ADGRA3: variants seen among roughly 807,000 people sequenced by gnomAD.
ADGRA3 encodes adhesion G protein-coupled receptor A3.
Under a neutral mutation model 119.8 loss-of-function variants are expected in ADGRA3, and 56 were observed. That is an observed-to-expected ratio of 0.47 (90% CI 0.38 to 0.58). ADGRA3 has a LOEUF of 0.58. Ranked by LOEUF, ADGRA3 falls within the 20% of genes least tolerant of loss-of-function variation. The pLI is 0.00. For missense variants in ADGRA3, 1,516 were observed against 1,649.0 expected (o/e 0.92, Z 1.40); for synonymous variants, 607 against 623.8 (o/e 0.97, Z 0.40).
At chr4:22,419,550 T>C (rs753781956) in intron 12 of ADGRA3, among the ~76,000 whole-genome samples, 1 of 152,132 alleles carries the variant, frequency 6.6e-6, no homozygotes. Flanking sequence ...CCTTCTACTT[T>C]AGCAAGTAGA....
intron 10 of ADGRA3, among the ~76,000 whole-genome samples, chr4:22,428,787 ACAGGATACCTCTG>A (rs1318887998): frequency 1.3e-5 from 2 of 152,240 alleles, no homozygotes; most frequent in Non-Finnish European, 2.9e-5. Flanking sequence ...TTTACGTGCC[ACAGGATACCTCTG>A]CAGACTTCTC....
Position 22,403,729 on chromosome 4 carries a change from G to A in ADGRA3, c.2233-930C>T, listed in dbSNP as rs1163382230. Among the ~76,000 whole-genome samples, 4 of 152,162 alleles carry A rather than the reference G, an allele frequency of 2.6e-5. No individual in the cohort carries two copies. The East Asian group carries it at 5.8e-4, about 22-fold the overall frequency. On this transcript the variant is annotated intron_variant, in intron 14 of 18. Transcript: ENST00000334304. ...TGCACTCCAGCCTGGGCCACATAGTGAGAACCTTTCTCAAAAGAAAAATAA... is the reference window on the plus strand; with the variant it reads ...TGCACTCCAGCCTGGGCCACATAGTAAGAACCTTTCTCAAAAGAAAAATAA...
chr4:22,428,833 T>C (rs1265272612), intron 10 of ADGRA3, among the ~76,000 whole-genome samples: 2 of 152,192 alleles, frequency 1.3e-5, no homozygotes, highest in African/African-American at 4.8e-5. Context: ...AGGTAAGCAT[T>C]TGCTATTCAA....
In ADGRA3 at chr4:22,460,302, A is replaced by G. The variant is rs527571444; in HGVS notation, c.401+1435T>C. Among the ~76,000 whole-genome samples, 11 of 152,282 alleles carry G rather than the reference A, an allele frequency of 7.2e-5. No individual in the cohort carries two copies. In the East Asian group the frequency reaches 1.7e-3, roughly 24 times the overall value. On this transcript the variant is annotated intron_variant, in intron 3 of 18. Coordinates refer to ENST00000334304, the MANE Select transcript of ADGRA3 (RefSeq NM_145290.4). ...CAAAACATGTCATGTTGGCATAAGG[A>G]TTATTTCCAGCTACAGGCAATTGAA...
At position 22,510,638 on chromosome 4, in the gene ADGRA3, G is replaced by A. The variant is rs1289363832; in HGVS notation, c.257+4890C>T. On this transcript the variant is annotated intron_variant, in intron 1 of 18. Transcript: ENST00000334304. ...CTCTCTCCACTATTCGTCCGATACC[G>A]TCTCTCCACTTCAAGTGGGCCAGCC... is the stretch of plus-strand genomic sequence containing the variant. 4.6e-5 allele frequency among the ~76,000 whole-genome samples: 7 copies of A among 152,156 alleles called. No homozygotes were observed. The Middle Eastern group carries it at 0.01, about 222-fold the overall frequency.
At chr4:22,414,521 A>T in intron 12 of ADGRA3, 1 of 647,272 alleles carries the variant, frequency 1.5e-6, no homozygotes, top group Non-Finnish European at 2.7e-6. Context: ...ATCTAAAAAC[A>T]TTCCATAGTT....
rs771647913 is a variant in ADGRA3, at chr4:22,447,428, ATTCT to A, written c.545+8_545+11del. The A allele has an allele frequency of 6.8e-7, 1 of 1,463,758 alleles. No individual in the cohort carries two copies. Among genetic ancestry groups the A allele is most frequent in the Admixed American group, 2.4e-5 (1 of 41,264 alleles). The allele number at this position is 1,463,758 out of a possible 1,614,324, so 90.7% of individuals were successfully genotyped here. On this transcript the variant is annotated splice_region_variant and intron_variant, in intron 5 of 18. Transcript: ENST00000334304. ...ATCAAAAAAAAAAAGAGAGAAAAAA[ATTCT>A]TACTTACAAAGACCGTAATGACGCA... is the stretch of plus-strand genomic sequence containing the variant.
intron 1 of ADGRA3, among the ~76,000 whole-genome samples, chr4:22,498,290 T>C (rs1401475016): frequency 1.3e-5 from 2 of 151,528 alleles, no homozygotes; most frequent in African/African-American, 2.4e-5. Flanking sequence ...AGTGTTCAGA[T>C]CCTAAAGACA....
intron 3 of ADGRA3, among the ~76,000 whole-genome samples, chr4:22,458,310 A>C (rs892150318): frequency 1.3e-5 from 2 of 151,412 alleles, no homozygotes; most frequent in African/African-American, 4.9e-5. Context: ...CTGCCCCTCA[A>C]CTCCCTAATG....
intron 17 of ADGRA3, among the ~76,000 whole-genome samples, chr4:22,392,011 T>G (rs889979152): frequency 8.5e-5 from 13 of 152,210 alleles, no homozygotes; most frequent in African/African-American, 3.1e-4. Context: ...CAAGGGAGTC[T>G]TCTGTAAATC....
At chr4:22,479,440 G>T (rs1275116517) in intron 1 of ADGRA3, among the ~76,000 whole-genome samples, 1 of 151,408 alleles carries the variant, frequency 6.6e-6, no homozygotes, top group Non-Finnish European at 1.5e-5. Flanking sequence ...TCCAGCCTGG[G>T]CGACAGAGCG....
intron 10 of ADGRA3, among the ~76,000 whole-genome samples, chr4:22,433,379 C>A (rs1173672890): frequency 6.6e-6 from 1 of 152,184 alleles, no homozygotes; most frequent in African/African-American, 2.4e-5. Flanking sequence ...CCAAGCTTTG[C>A]AACTATTTTG....
chr4:22,402,379 C>A (rs979775041), intron 15 of ADGRA3, among the ~76,000 whole-genome samples: 1 of 152,076 alleles, frequency 6.6e-6, no homozygotes. Context: ...CCTCACTTTA[C>A]CTCCTATTGC....
Position 22,515,562 on chromosome 4 carries a change from G to T in ADGRA3, c.223C>A (p.Pro75Thr). The stretch of plus-strand genomic sequence containing the variant: ...GTGCGGTTGGGCAGAGTATCTGGGG[G>T]CAGGACCTGCGCGAGTTCCAGGCTG... ...CSSLELAQVL[P>T]PDTLPNRTVT... Residue 75 changes from proline (P) to threonine (T), a missense_variant, in exon 1 of 19, where the codon CCC becomes ACC. This residue lies in a region of ADGRA3 where 428 missense variants were observed against 541.9 expected (regional missense o/e 0.79). Coordinates refer to ENST00000334304, the MANE Select transcript of ADGRA3 (RefSeq NM_145290.4). 1 of 1,604,322 alleles carries T rather than the reference G, an allele frequency of 6.2e-7. No individual in the cohort carries two copies. The highest frequency in any genetic ancestry group is 8.5e-7 in the Non-Finnish European group (1 of 1,175,592).
intron 6 of ADGRA3, among the ~76,000 whole-genome samples, chr4:22,444,644 TG>T (rs1272634959): frequency 1.3e-5 from 2 of 152,142 alleles, no homozygotes; most frequent in African/African-American, 2.4e-5. Flanking sequence ...ACACAGGATG[TG>T]GGCATCCTGA....
chr4:22,459,439 C>A (rs1717362771), intron 3 of ADGRA3, among the ~76,000 whole-genome samples: 1 of 151,428 alleles, frequency 6.6e-6, no homozygotes, highest in African/African-American at 2.4e-5. Flanking sequence ...ACCTACGCAA[C>A]AAACCTGCAC....
chr4:22,454,745 C>T (rs1577358861), intron 4 of ADGRA3, 121 bp downstream of exon 4: 3 of 720,594 alleles, frequency 4.2e-6, no homozygotes, highest in East Asian at 5.5e-5. Context: ...CTCCTTGTCC[C>T]CTATGGCTTC....
chr4:22,486,501 T>C (rs1718437422), intron 1 of ADGRA3, among the ~76,000 whole-genome samples: 1 of 152,142 alleles, frequency 6.6e-6, no homozygotes, highest in African/African-American at 2.4e-5. Context: ...AACCAAAATC[T>C]AAAGTCCCAG....
At position 22,501,221 on chromosome 4, in the gene ADGRA3, A is replaced by G. The variant is rs1425744014; in HGVS notation, c.257+14307T>C. On this transcript the variant is annotated intron_variant, in intron 1 of 18. Coordinates refer to ENST00000334304, the MANE Select transcript of ADGRA3 (RefSeq NM_145290.4). ...CTGTTTCTCTAGAAAATCTTAATAT[A>G]CCTTTATATTAGGTAACTCTACAGG... 4.6e-5 allele frequency among the ~76,000 whole-genome samples: 7 copies of G among 152,218 alleles called. No homozygotes were observed. The East Asian group carries it at 1.2e-3, about 25-fold the overall frequency.
Sources: gnomAD v4.1 joint callset for allele counts (sites outside exome capture counted in the v4.1 genomes callset) on GRCh38, gnomAD v4.1.1 for gene constraint, gnomAD v4.1.1 regional missense constraint, MANE v1.5 for transcripts, NCBI Gene and HGNC (gene_info 2026-07-23, HGNC 2026-07-21) for gene names.